FLT3: variants seen among roughly 807,000 people sequenced by gnomAD.
FLT3 encodes the protein fms related receptor tyrosine kinase 3, also known as receptor-type tyrosine-protein kinase FLT3.
FLT3 carries 46 observed loss-of-function variants against 126.6 expected under a neutral mutation model. That is an observed-to-expected ratio of 0.36 (90% CI 0.29 to 0.46). The LOEUF is 0.46. FLT3 is among the 20% of genes least tolerant of loss of function. The probability of loss-of-function intolerance (pLI) is 1.00; values close to 1 mark genes in which losing one functional copy is unlikely to be tolerated. For missense variants in FLT3, 1,069 were observed against 1,190.3 expected (o/e 0.90, Z 1.50); for synonymous variants, 404 against 434.4 (o/e 0.93, Z 0.87).
chr13:28,040,800 C>T (rs977487028), intron 9 of FLT3, among the ~76,000 whole-genome samples: 1 of 151,318 alleles, frequency 6.6e-6, no homozygotes, highest in African/African-American at 2.4e-5. Flanking sequence ...AGTTTGAGAT[C>T]GGCCTGGGCA....
chr13:28,086,653 T>TGTGC (rs953643917), intron 1 of FLT3, among the ~76,000 whole-genome samples: 3 of 151,698 alleles, frequency 2.0e-5, no homozygotes, highest in African/African-American at 7.3e-5. Context: ...TGTGTGTGTG[T>TGTGC]GTGTGTGTGT....
At chr13:28,078,702 G>T (rs1878120432) in intron 1 of FLT3, among the ~76,000 whole-genome samples, 2 of 137,694 alleles carry the variant, frequency 1.5e-5, no homozygotes. Flanking sequence ...CCCAGAAAAT[G>T]GGTTTTTCTT....
chr13:28,040,865 T>C (rs1874309173), intron 9 of FLT3, among the ~76,000 whole-genome samples: 1 of 148,742 alleles, frequency 6.7e-6, no homozygotes, highest in South Asian at 2.1e-4. Flanking sequence ...CTGGGTGCGA[T>C]GGCACACACC....
intron 15 of FLT3, among the ~76,000 whole-genome samples, chr13:28,030,594 C>T (rs1873234451): frequency 6.6e-6 from 1 of 152,090 alleles, no homozygotes; most frequent in African/African-American, 2.4e-5. Context: ...AGACGTGGGT[C>T]CCCGCGCCTC....
intron 1 of FLT3, among the ~76,000 whole-genome samples, chr13:28,092,990 C>T (rs1182263605): frequency 2.1e-5 from 3 of 141,946 alleles, no homozygotes; most frequent in South Asian, 2.3e-4. Flanking sequence ...GGTGTGATCT[C>T]GGCTCGCTGC....
chr13:28,057,323 A>G (rs2137755589), intron 4 of FLT3, 24 bp downstream of exon 4: 1 of 984,878 alleles, frequency 1.0e-6, no homozygotes, highest in Admixed American at 1.7e-5. Context: ...CCAGGCTGGA[A>G]TACTAGTAGC....
intron 19 of FLT3, among the ~76,000 whole-genome samples, chr13:28,020,881 A>G (rs1307867743): frequency 1.3e-5 from 2 of 152,086 alleles, no homozygotes; most frequent in Non-Finnish European, 2.9e-5. Context: ...GGGGACAGTG[A>G]CACGCATGAT....
chr13:28,066,603 T>C (rs1262141882), intron 2 of FLT3, among the ~76,000 whole-genome samples: 1 of 152,176 alleles, frequency 6.6e-6, no homozygotes, highest in Non-Finnish European at 1.5e-5. Flanking sequence ...AATGATTGTA[T>C]TGGGTTACAA....
At chr13:28,031,001 C>T (rs1054586663) in intron 15 of FLT3, among the ~76,000 whole-genome samples, 9 of 151,930 alleles carry the variant, frequency 5.9e-5, no homozygotes, top group South Asian at 2.1e-4. Flanking sequence ...CTGAGACAGG[C>T]GGATCACGAG....
In FLT3 at chr13:28,015,697, C is replaced by G; in HGVS notation, c.2546G>C (p.Arg849Pro). The G allele has an allele frequency of 6.2e-7, 1 of 1,604,494 alleles. No individual in the cohort carries two copies. The highest frequency in any genetic ancestry group is 8.5e-7 in the Non-Finnish European group (1 of 1,171,560). ...DSNYVVRGNA[R>P]LPVKWMAPES... ...GGGGGCCATCCATTTTACAGGCAGA[C>G]GGGCCTGTGGAAAACCCAGAGGAGA... is the stretch of plus-strand genomic sequence containing the variant. Residue 849 changes from arginine to proline, a missense_variant, in exon 21 of 24, where the codon CGT becomes CCT. Physicochemically the swap from Arg to Pro is moderately radical, Grantham distance 103. Transcript: ENST00000241453.
At chr13:28,038,543 C>T (rs1874050706) in intron 9 of FLT3, among the ~76,000 whole-genome samples, 1 of 151,436 alleles carries the variant, frequency 6.6e-6, no homozygotes, top group South Asian at 2.1e-4. Context: ...AGCTCTGCCT[C>T]CCGGGTTCCC....
At chr13:28,062,106 C>T in intron 2 of FLT3, 37 bp from the exon 3 acceptor site, 1 of 1,541,624 alleles carries the variant, frequency 6.5e-7, no homozygotes, top group East Asian at 2.2e-5. Context: ...TTCATGAAAA[C>T]TGCAGGTCTA....
chr13:28,006,579 G>A lies in FLT3; in HGVS notation c.2860-2405C>T, dbSNP rs7318118. The stretch of plus-strand genomic sequence containing the variant: ...CAATAACACTTCCAATCTTCCACCT[G>A]AATTAACTAACATGTGCTCTTCATC... On this transcript the variant is annotated intron_variant, in intron 23 of 23. Transcript: ENST00000241453. 9.6e-3 allele frequency among the ~76,000 whole-genome samples: 1,462 copies of A among 152,118 alleles called. 14 individuals are homozygous for A. The highest frequency in any genetic ancestry group is 0.031 in the African/African-American group (1,284 of 41,498).
intron 1 of FLT3, among the ~76,000 whole-genome samples, chr13:28,085,384 G>A (rs924982239): frequency 6.7e-6 from 1 of 150,102 alleles, no homozygotes; most frequent in Admixed American, 6.7e-5. Context: ...GAAAAAAGAG[G>A]TGCATTTGAC....
intron 20 of FLT3, among the ~76,000 whole-genome samples, chr13:28,017,659 G>C (rs1423490920): frequency 7.4e-6 from 1 of 135,410 alleles, no homozygotes; most frequent in Admixed American, 7.8e-5. Context: ...TGTTTTTTTT[G>C]TTGTTGTTTT....
At chr13:28,046,451 C>T (rs1451994065) in intron 9 of FLT3, among the ~76,000 whole-genome samples, 2 of 152,104 alleles carry the variant, frequency 1.3e-5, no homozygotes. Flanking sequence ...AACTTCAAGC[C>T]TTGTACATCA....
chr13:28,037,930 A>G (rs976791664), intron 9 of FLT3, among the ~76,000 whole-genome samples: 8 of 152,210 alleles, frequency 5.3e-5, no homozygotes, highest in Non-Finnish European at 1.2e-4. Context: ...GATCTGAGAT[A>G]GAACAGTTTC....
Position 28,096,922 on chromosome 13 carries a change from C to G in FLT3, c.43+3546G>C, listed in dbSNP as rs190671624. Among the ~76,000 whole-genome samples, 336 of 152,212 alleles carry G rather than the reference C, an allele frequency of 2.2e-3. 1 individual carries two copies. The highest frequency in any genetic ancestry group is 3.1e-3 in the Non-Finnish European group (210 of 68,008). On this transcript the variant is annotated intron_variant, in intron 1 of 23. Transcript: ENST00000241453. ...TCTTTAATCTTTGTACTGCTTGTGC[C>G]TAGCAAGAAATAGGTATTCTGTCAG...
At chr13:28,020,315 A>G (rs1358343717) in intron 19 of FLT3, among the ~76,000 whole-genome samples, 1 of 152,004 alleles carries the variant, frequency 6.6e-6, no homozygotes. Context: ...AACACTTATC[A>G]TGCTACAGTG....
Sources: gnomAD v4.1 joint callset for allele counts (sites outside exome capture counted in the v4.1 genomes callset) on GRCh38, gnomAD v4.1.1 for gene constraint, MANE v1.5 for transcripts, NCBI Gene and HGNC (gene_info 2026-07-23, HGNC 2026-07-21) for gene names.